Variants in LAMA1 observed in about 807,000 individuals in gnomAD.
The protein encoded by LAMA1 is laminin subunit alpha-1.
In LAMA1, 219 loss-of-function variants were observed where a neutral mutation model predicts 348.7. The ratio of observed to expected loss-of-function variants is 0.63; its 90% CI spans 0.56 to 0.70. LAMA1 has a LOEUF of 0.70. Among genes scored for constraint, LAMA1 ranks in the 30% least tolerant of loss-of-function variants. The pLI, the probability that LAMA1 is intolerant of heterozygous loss-of-function variation, is 0.00. For synonymous variants in LAMA1, 1,487 were observed against 1,491.0 expected (o/e 1.00, Z 0.06); for missense variants, 3,744 against 3,888.0 (o/e 0.96, Z 0.99).
intron 57 of LAMA1, among the ~76,000 whole-genome samples, chr18:6,953,532 C>T (rs1344335523): frequency 2.0e-5 from 3 of 152,138 alleles, no homozygotes; most frequent in Non-Finnish European, 2.9e-5. Flanking sequence ...ACGTATCCCC[C>T]GAGGAGAAGG....
chr18:6,994,176 G>GA (rs1298461666), intron 34 of LAMA1, among the ~76,000 whole-genome samples: 1 of 75,682 alleles, frequency 1.3e-5, no homozygotes, highest in African/African-American at 5.1e-5. Flanking sequence ...GCTGATTTTA[G>GA]ACCTGATTCT....
At chr18:7,031,022 C>T (rs973945912) in intron 16 of LAMA1, among the ~76,000 whole-genome samples, 1 of 152,134 alleles carries the variant, frequency 6.6e-6, no homozygotes, top group African/African-American at 2.4e-5. Context: ...GCTTTACTTA[C>T]AGAACAAAGG....
intron 10 of LAMA1, 75 bp downstream of exon 10, chr18:7,040,001 G>A: frequency 6.5e-7 from 1 of 1,538,198 alleles, no homozygotes; most frequent in Non-Finnish European, 9.0e-7. Context: ...ACTGATCATT[G>A]GAGCCAATGG....
Position 6,992,557 on chromosome 18 carries a change from T to G in LAMA1, c.5168+4A>C, listed in dbSNP as rs772727751. 6.2e-7 allele frequency: 1 copy of G among 1,614,110 alleles called. No individual in the cohort carries two copies. The highest frequency in any genetic ancestry group is 1.1e-5 in the South Asian group (1 of 91,084). On this transcript the variant is annotated splice_donor_region_variant and intron_variant, in intron 36 of 62. Transcript: ENST00000389658. ...TGCATTGCACACAGTAATTAGAAAC[T>G]TACTTGAGTTCAAGGGTGGCATTTT...
intron 1 of LAMA1, among the ~76,000 whole-genome samples, chr18:7,111,589 CGT>C (rs1172004304): frequency 1.1e-4 from 16 of 152,316 alleles, no homozygotes; most frequent in Non-Finnish European, 2.1e-4. Flanking sequence ...CCCTGACAGA[CGT>C]GTTCCAACAG....
At chr18:6,960,320 A>G (rs1416173388) in intron 53 of LAMA1, 3 of 152,438 alleles carry the variant, frequency 2.0e-5, no homozygotes, top group Non-Finnish European at 4.4e-5. Flanking sequence ...ATGTATATAC[A>G]GTGGAATATT....
chr18:7,054,794 A>T (rs987706895), intron 3 of LAMA1, among the ~76,000 whole-genome samples: 13 of 152,118 alleles, frequency 8.5e-5, no homozygotes, highest in African/African-American at 3.1e-4. Context: ...AAGGATGAGG[A>T]CCTTGATGGA....
chr18:7,085,622 G>GTA (rs1248497747), intron 1 of LAMA1, among the ~76,000 whole-genome samples: 4 of 151,868 alleles, frequency 2.6e-5, no homozygotes, highest in Admixed American at 6.6e-5. Context: ...GTTTCACCAC[G>GTA]TTAGCCAGGA....
At chr18:7,027,257 G>A (rs978936331) in intron 16 of LAMA1, among the ~76,000 whole-genome samples, 8 of 152,150 alleles carry the variant, frequency 5.3e-5, no homozygotes, top group African/African-American at 1.7e-4. Context: ...TTATACAAGA[G>A]ACAAGCCTTA....
chr18:7,115,516 C>T (rs1021465107), intron 1 of LAMA1, among the ~76,000 whole-genome samples: 2 of 151,910 alleles, frequency 1.3e-5, no homozygotes, highest in Non-Finnish European at 2.9e-5. Context: ...TGACAGGGAA[C>T]GTCTAACAAT....
At chr18:7,039,929 G>A (rs1263190275) in intron 10 of LAMA1, 147 bp downstream of exon 10, 1 of 859,604 alleles carries the variant, frequency 1.2e-6, no homozygotes, top group East Asian at 2.7e-5. Flanking sequence ...CAGCCAACTC[G>A]GTGTGGCTTG....
chr18:7,077,199 C>CTTTTTTTTTTTTT, intron 3 of LAMA1, among the ~76,000 whole-genome samples: 1 of 119,794 alleles, frequency 8.3e-6, no homozygotes, highest in African/African-American at 3.2e-5. Context: ...CTGTTCTTTT[C>CTTTTTTTTTTTTT]TTTTTTTTTT....
At chr18:7,084,542 A>G (rs2058207320) in intron 1 of LAMA1, among the ~76,000 whole-genome samples, 1 of 152,126 alleles carries the variant, frequency 6.6e-6, no homozygotes. Flanking sequence ...TTTTTCTTCC[A>G]CTCAGGACAC....
At chr18:6,955,183 C>A in intron 57 of LAMA1, 170 bp downstream of exon 57, 1 of 652,722 alleles carries the variant, frequency 1.5e-6, no homozygotes, top group Non-Finnish European at 2.8e-6. Flanking sequence ...ACCATGAAAG[C>A]GTTGTGATTT....
chr18:7,032,594 G>A (rs2057975371), intron 15 of LAMA1, among the ~76,000 whole-genome samples: 1 of 152,136 alleles, frequency 6.6e-6, no homozygotes, highest in Admixed American at 6.5e-5. Flanking sequence ...GTAAAATAGC[G>A]AGGGGCCATA....
chr18:6,964,565 G>C, intron 51 of LAMA1, 97 bp downstream of exon 51: 1 of 1,459,188 alleles, frequency 6.9e-7, no homozygotes, highest in Non-Finnish European at 9.6e-7. Flanking sequence ...AATTAGTGTT[G>C]TTTAAGCCAC....
intron 16 of LAMA1, among the ~76,000 whole-genome samples, chr18:7,031,613 C>T (rs917984149): frequency 2.0e-5 from 3 of 151,606 alleles, no homozygotes; most frequent in African/African-American, 7.3e-5. Flanking sequence ...CCAGAAGATC[C>T]AGGGCTGCAG....
intron 19 of LAMA1, among the ~76,000 whole-genome samples, chr18:7,022,574 T>C (rs1408921328): frequency 6.6e-6 from 1 of 152,202 alleles, no homozygotes; most frequent in African/African-American, 2.4e-5. Flanking sequence ...GTTCTTTCAC[T>C]CCTTCAAAAT....
chr18:7,031,924 G>C (rs980633797), intron 16 of LAMA1, 142 bp downstream of exon 16: 12 of 626,680 alleles, frequency 1.9e-5, no homozygotes, highest in Admixed American at 1.2e-4. Context: ...CATGACATGA[G>C]CTTAAATCTG....
Sources: gnomAD v4.1 joint callset for allele counts (sites outside exome capture counted in the v4.1 genomes callset) on GRCh38, gnomAD v4.1.1 for gene constraint, MANE v1.5 for transcripts, NCBI Gene and HGNC (gene_info 2026-07-23, HGNC 2026-07-21) for gene names.